The following UNC5D variants were observed in gnomAD, a reference collection of about 807,000 sequenced individuals.
UNC5D encodes netrin receptor UNC5D.
In UNC5D, 39 loss-of-function variants were observed where a neutral mutation model predicts 105.4. The observed-to-expected ratio is 0.37, with a 90% CI of 0.29 to 0.48. The LOEUF (loss-of-function observed/expected upper bound fraction) is 0.48. Ranked by LOEUF, UNC5D falls within the 20% of genes least tolerant of loss-of-function variation. The pLI is 0.98. For synonymous variants in UNC5D, 452 were observed against 450.4 expected (o/e 1.00, Z -0.04); for missense variants, 991 against 1,202.4 (o/e 0.82, Z 2.60).
intron 1 of UNC5D, among the ~76,000 whole-genome samples, chr8:35,289,920 A>C (rs944323516): frequency 1.3e-5 from 2 of 152,178 alleles, no homozygotes; most frequent in African/African-American, 2.4e-5. Context: ...AGCCAGAGCA[A>C]TATAGTGAGG....
chr8:35,643,426 CCT>C (rs1481970603), intron 4 of UNC5D, among the ~76,000 whole-genome samples: 3 of 152,154 alleles, frequency 2.0e-5, no homozygotes, highest in African/African-American at 7.2e-5. Context: ...AAGCATTTCC[CCT>C]GTCTCAGCCT....
intron 7 of UNC5D, among the ~76,000 whole-genome samples, chr8:35,695,353 A>T (rs1826687056): frequency 6.6e-6 from 1 of 152,152 alleles, no homozygotes; most frequent in Non-Finnish European, 1.5e-5. Context: ...TATGATTCTA[A>T]CTAACAGTTA....
Position 35,505,991 on chromosome 8 carries a change from G to A in UNC5D, c.104-43301G>A, listed in dbSNP as rs371545063. Among the ~76,000 whole-genome samples, 35 of 152,244 alleles carry A rather than the reference G, an allele frequency of 2.3e-4. 2 individuals carry two copies. The East Asian group carries it at 4.2e-3, about 18-fold the overall frequency. ...ACTTGACACTGAGAAATTCCTTGAC[G>A]TGTGTTTAGCTATTGTCATTATTTT... On this transcript the variant is annotated intron_variant, in intron 1 of 16. Coordinates refer to ENST00000404895, the MANE Select transcript of UNC5D (RefSeq NM_080872.4).
At chr8:35,607,290 C>T (rs1029100867) in intron 4 of UNC5D, among the ~76,000 whole-genome samples, 6 of 152,152 alleles carry the variant, frequency 3.9e-5, no homozygotes, top group African/African-American at 1.4e-4. Context: ...TACTCACTTC[C>T]TATATTAGTT....
chr8:35,270,861 G>T (rs1161670198), intron 1 of UNC5D, among the ~76,000 whole-genome samples: 1 of 58,164 alleles, frequency 1.7e-5, no homozygotes, highest in Non-Finnish European at 4.2e-5. Flanking sequence ...TGTACTTGTG[G>T]CTGCAATAAA....
At chr8:35,284,591 G>A (rs1377649257) in intron 1 of UNC5D, among the ~76,000 whole-genome samples, 1 of 152,030 alleles carries the variant, frequency 6.6e-6, no homozygotes, top group East Asian at 1.9e-4. Flanking sequence ...GTCTCACTCT[G>A]TCGCCCAGGC....
chr8:35,382,900 C>G (rs1308155444), intron 1 of UNC5D, among the ~76,000 whole-genome samples: 2 of 152,124 alleles, frequency 1.3e-5, no homozygotes, highest in Admixed American at 6.6e-5. Context: ...CCTACATTTT[C>G]TTAACGCTGT....
At chr8:35,741,775 A>AT (rs907555830) in intron 11 of UNC5D, among the ~76,000 whole-genome samples, 4 of 151,472 alleles carry the variant, frequency 2.6e-5, no homozygotes, top group South Asian at 2.1e-4. Context: ...GTTGCTTTGG[A>AT]TTTTTTTTTA....
At chr8:35,774,926 C>CAA (rs548702956) in intron 16 of UNC5D, among the ~76,000 whole-genome samples, 3,082 of 120,380 alleles carry the variant, frequency 0.026, 198 homozygotes, top group African/African-American at 0.11. Flanking sequence ...GACCCTCCTC[C>CAA]AAAAAAAAAA....
chr8:35,606,689 TA>T (rs1233583673), intron 4 of UNC5D, among the ~76,000 whole-genome samples: 1 of 152,084 alleles, frequency 6.6e-6, no homozygotes, highest in Non-Finnish European at 1.5e-5. Flanking sequence ...GACATAAATT[TA>T]AAAAAGAAAG....
intron 1 of UNC5D, among the ~76,000 whole-genome samples, chr8:35,528,455 A>T (rs1296884252): frequency 1.3e-5 from 2 of 148,332 alleles, no homozygotes; most frequent in Non-Finnish European, 3.0e-5. Context: ...ATTGTTGGAC[A>T]TTTGGGTTGG....
intron 4 of UNC5D, among the ~76,000 whole-genome samples, chr8:35,655,161 G>A (rs531698843): frequency 6.6e-6 from 1 of 152,190 alleles, no homozygotes; most frequent in East Asian, 1.9e-4. Context: ...GGGTTTATTG[G>A]ATTATAAATT....
At chr8:35,442,904 T>TCACACACACACA (rs373759766) in intron 1 of UNC5D, among the ~76,000 whole-genome samples, 5 of 141,252 alleles carry the variant, frequency 3.5e-5, no homozygotes, top group African/African-American at 1.4e-4. Context: ...TCTCTCTCTC[T>TCACACACACACA]CACACACACA....
intron 1 of UNC5D, among the ~76,000 whole-genome samples, chr8:35,286,260 C>T (rs888811506): frequency 5.6e-4 from 85 of 152,288 alleles, no homozygotes; most frequent in African/African-American, 2.0e-3. Flanking sequence ...ACTTTACTCA[C>T]CTCACAGAAA....
At chr8:35,301,104 A>G (rs1388834686) in intron 1 of UNC5D, among the ~76,000 whole-genome samples, 2 of 152,176 alleles carry the variant, frequency 1.3e-5, no homozygotes, top group Non-Finnish European at 2.9e-5. Context: ...TTAATGAAAG[A>G]AATTATCTCC....
intron 4 of UNC5D, among the ~76,000 whole-genome samples, chr8:35,677,106 T>G (rs1175966484): frequency 6.6e-6 from 1 of 152,274 alleles, no homozygotes; most frequent in East Asian, 1.9e-4. Flanking sequence ...CGGTCTACGT[T>G]TTGCCACGGT....
chr8:35,327,723 G>A (rs1412354043), intron 1 of UNC5D, among the ~76,000 whole-genome samples: 2 of 152,188 alleles, frequency 1.3e-5, no homozygotes, highest in Admixed American at 6.5e-5. Flanking sequence ...GTAGAGCTGT[G>A]ACTCTCTTCC....
intron 1 of UNC5D, among the ~76,000 whole-genome samples, chr8:35,347,888 A>C (rs1811918436): frequency 6.6e-6 from 1 of 152,210 alleles, no homozygotes; most frequent in Middle Eastern, 3.4e-3. Flanking sequence ...GAAGTTTACA[A>C]AACACGAATG....
intron 4 of UNC5D, among the ~76,000 whole-genome samples, chr8:35,642,934 A>C (rs1233231568): frequency 7.9e-5 from 12 of 152,136 alleles, no homozygotes; most frequent in Admixed American, 7.9e-4. Context: ...TAAAGCAAAC[A>C]GGTCTTTTGT....
Sources: gnomAD v4.1 joint callset for allele counts (sites outside exome capture counted in the v4.1 genomes callset) on GRCh38, gnomAD v4.1.1 for gene constraint, MANE v1.5 for transcripts, NCBI Gene and HGNC (gene_info 2026-07-23, HGNC 2026-07-21) for gene names.